Variants in GABRR2 observed in about 807,000 individuals in gnomAD.
GABRR2 encodes the protein gamma-aminobutyric acid receptor subunit rho-2.
Under a neutral mutation model 47.0 loss-of-function variants are expected in GABRR2, and 36 were observed. The ratio of observed to expected loss-of-function variants is 0.77; its 90% CI spans 0.59 to 1.01. The LOEUF (loss-of-function observed/expected upper bound fraction) is 1.01. Among genes scored for constraint, GABRR2 ranks in the 50% least tolerant of loss-of-function variants. The pLI, the probability that GABRR2 is intolerant of heterozygous loss-of-function variation, is 0.00. For synonymous variants in GABRR2, 204 were observed against 227.5 expected (o/e 0.90, Z 0.93); for missense variants, 587 against 594.6 (o/e 0.99, Z 0.13).
rs1376317764 is a variant in GABRR2, at chr6:89,268,230, T to C, written c.513-134A>G. On this transcript the variant is annotated intron_variant, in intron 4 of 8. Coordinates refer to ENST00000402938, the MANE Select transcript of GABRR2 (RefSeq NM_002043.5). ...TGCTGCAGAAGTTTGGAAACAGTTA[T>C]CTGAGTTATAGAACCTTAACTTCTA... The C allele has an allele frequency of 4.2e-6, 3 of 708,468 alleles. No homozygotes were observed. In the East Asian group the frequency reaches 8.1e-5, roughly 19 times the overall value. 43.9% of individuals were successfully genotyped at this position (708,468 alleles called of 1,614,324 possible).
chr6:89,288,255 TG>T (rs1427526577), intron 2 of GABRR2, among the ~76,000 whole-genome samples: 7 of 138,936 alleles, frequency 5.0e-5, no homozygotes, highest in African/African-American at 1.6e-4. Context: ...GAAAAGCATC[TG>T]GGGTGGGGTG....
rs1012638360 is a variant in GABRR2, at chr6:89,256,350, C to G, written c.*1320G>C. Reference sequence around the variant, plus strand: ...AGATATTTGTGTGGTATTTCCTTTACTAGTTCCTTCTCTGAGAGCTTCGAC... The same window carrying G: ...AGATATTTGTGTGGTATTTCCTTTAGTAGTTCCTTCTCTGAGAGCTTCGAC... On this transcript the variant is annotated 3_prime_UTR_variant, in exon 9 of 9. Transcript: ENST00000402938. Among the ~76,000 whole-genome samples, 1 of 151,906 alleles carries G rather than the reference C, an allele frequency of 6.6e-6. No individual in the cohort carries two copies. The highest frequency in any genetic ancestry group is 1.5e-5 in the Non-Finnish European group (1 of 67,992).
chr6:89,279,046 A>C (rs1198002292), intron 2 of GABRR2, among the ~76,000 whole-genome samples: 1 of 152,166 alleles, frequency 6.6e-6, no homozygotes, highest in Non-Finnish European at 1.5e-5. Flanking sequence ...AAGAATGACC[A>C]ATACCAAGAA....
At chr6:89,306,789 AAAAG>A (rs1767566232) in intron 1 of GABRR2, among the ~76,000 whole-genome samples, 1 of 152,226 alleles carries the variant, frequency 6.6e-6, no homozygotes, top group Non-Finnish European at 1.5e-5. Context: ...TAAACAAAAA[AAAAG>A]AGAGAGAAAA....
At chr6:89,262,370 C>T (rs534145410) in intron 8 of GABRR2, among the ~76,000 whole-genome samples, 2 of 152,264 alleles carry the variant, frequency 1.3e-5, no homozygotes, top group Admixed American at 1.3e-4. Flanking sequence ...ATAAATCTTC[C>T]TATAGCCTGT....
chr6:89,267,813 T>G lies in GABRR2; in HGVS notation c.602A>C (p.Tyr201Ser), dbSNP rs759648670. The G allele has an allele frequency of 1.2e-6, 2 of 1,610,562 alleles. No individual in the cohort carries two copies. Among genetic ancestry groups the G allele is most frequent in the Non-Finnish European group, 1.7e-6 (2 of 1,178,266 alleles). The change falls in exon 6 of 9, where the codon TAT becomes TCT. Residue 201 changes from tyrosine (Y) to serine (S), a missense_variant. Physicochemically the swap from Tyr to Ser is moderately radical, Grantham distance 144 (BLOSUM62 -2). Coordinates refer to ENST00000402938, the MANE Select transcript of GABRR2 (RefSeq NM_002043.5). ...GTACAGCATTAGATCTTCATCTGTA[T>G]AGGCATCTTTGGGAAGAGGAAAACA... ...TCSLELESYA[Y>S]TDEDLMLYWK...
At chr6:89,278,896 T>C (rs964002481) in intron 2 of GABRR2, among the ~76,000 whole-genome samples, 1 of 152,154 alleles carries the variant, frequency 6.6e-6, no homozygotes, top group Middle Eastern at 3.2e-3. Context: ...GTTGATGGCT[T>C]TGTGGTCCCA....
intron 8 of GABRR2, 55 bp downstream of exon 8, chr6:89,264,357 C>T: frequency 6.4e-7 from 1 of 1,556,284 alleles, no homozygotes; most frequent in Non-Finnish European, 8.7e-7. Flanking sequence ...CCCAGAAGAC[C>T]TTCATTTTCA....
At chr6:89,273,723 C>T (rs1230477946) in intron 2 of GABRR2, among the ~76,000 whole-genome samples, 3 of 152,190 alleles carry the variant, frequency 2.0e-5, no homozygotes, top group Non-Finnish European at 4.4e-5. Flanking sequence ...AGATCCCGCT[C>T]CCTGCTAGAG....
At chr6:89,311,454 A>C in intron 1 of GABRR2, among the ~76,000 whole-genome samples, 1 of 152,152 alleles carries the variant, frequency 6.6e-6, no homozygotes, top group Non-Finnish European at 1.5e-5. Flanking sequence ...TGTATGAGCC[A>C]TATGCTCTCC....
intron 1 of GABRR2, chr6:89,302,199 G>C (rs1188755931): frequency 9.0e-6 from 5 of 557,742 alleles, no homozygotes; most frequent in Non-Finnish European, 1.8e-5. Context: ...TCGCTGGGCG[G>C]GGGCACAAGC....
chr6:89,307,814 CTTTTT>C (rs1247224346), intron 1 of GABRR2, among the ~76,000 whole-genome samples: 2 of 125,292 alleles, frequency 1.6e-5, no homozygotes, highest in African/African-American at 6.3e-5. Context: ...ACTTCATTCA[CTTTTT>C]TTTTTTTTTT....
chr6:89,279,710 C>A, intron 2 of GABRR2, among the ~76,000 whole-genome samples: 1 of 151,198 alleles, frequency 6.6e-6, no homozygotes, highest in Non-Finnish European at 1.5e-5. Context: ...CACTGATACA[C>A]TGCCTGTATC....
chr6:89,306,905 G>A (rs1264242913), intron 1 of GABRR2, among the ~76,000 whole-genome samples: 3 of 148,824 alleles, frequency 2.0e-5, no homozygotes, highest in South Asian at 2.2e-4. Flanking sequence ...TCCACAGTAC[G>A]TTACCTGTTC....
chr6:89,281,995 G>A (rs997649635), intron 2 of GABRR2, among the ~76,000 whole-genome samples: 1 of 152,124 alleles, frequency 6.6e-6, no homozygotes, highest in African/African-American at 2.4e-5. Flanking sequence ...TCTCTGACCT[G>A]GTGGGGGCAG....
intron 1 of GABRR2, among the ~76,000 whole-genome samples, chr6:89,311,491 A>G (rs567727428): frequency 1.3e-5 from 2 of 152,134 alleles, no homozygotes; most frequent in Non-Finnish European, 2.9e-5. Flanking sequence ...GAGATGGCCC[A>G]CACAGTCTCG....
rs377568053 is a variant in GABRR2 at position 89,299,717 on chromosome 6, G to A, written c.220+42C>T. ...AGAGAGGGCAGCACATCACATCCCT[G>A]GGGCCAACCTCCCACCTGGCATCAA... On this transcript the variant is annotated intron_variant, in intron 2 of 8. Coordinates refer to ENST00000402938, the MANE Select transcript of GABRR2 (RefSeq NM_002043.5). The A allele has an allele frequency of 1.3e-5, 18 of 1,389,840 alleles. No individual in the cohort carries two copies. In the African/African-American group the frequency reaches 2.6e-4, roughly 20 times the overall value. The allele number at this position is 1,389,840 out of a possible 1,614,324, so 86.1% of individuals were successfully genotyped here.
chr6:89,295,685 G>A (rs1298025226), intron 2 of GABRR2, among the ~76,000 whole-genome samples: 1 of 151,726 alleles, frequency 6.6e-6, no homozygotes, highest in African/African-American at 2.4e-5. Context: ...TGGTGTTTTA[G>A]ACATGAAGTC....
intron 3 of GABRR2, among the ~76,000 whole-genome samples, chr6:89,269,744 C>G (rs1774004081): frequency 6.6e-6 from 1 of 152,222 alleles, no homozygotes; most frequent in Non-Finnish European, 1.5e-5. Context: ...GAATTTAGTG[C>G]CTGGCAAAGC....
Sources: allele counts gnomAD v4.1 joint callset (sites outside exome capture counted in the v4.1 genomes callset), GRCh38; gene constraint gnomAD v4.1.1; transcripts MANE v1.5; gene names NCBI Gene and HGNC (gene_info 2026-07-23, HGNC 2026-07-21).